SEMA5A: variants seen among roughly 807,000 people sequenced by gnomAD.
SEMA5A encodes the protein semaphorin-5A.
Under a neutral mutation model 135.5 loss-of-function variants are expected in SEMA5A, and 55 were observed. The observed-to-expected ratio is 0.41, with a 90% CI of 0.33 to 0.51. SEMA5A has a LOEUF of 0.51. Ranked by LOEUF, SEMA5A falls within the 20% of genes least tolerant of loss-of-function variation. The pLI is 0.37. For missense variants in SEMA5A, 1,290 were observed against 1,419.9 expected, an observed-to-expected ratio of 0.91 and a Z score of 1.47; for synonymous variants, 580 against 546.5, an observed-to-expected ratio of 1.06 and a Z score of -0.85.
chr5:9,356,303 AG>A (rs1754444113), intron 3 of SEMA5A, among the ~76,000 whole-genome samples: 1 of 152,168 alleles, frequency 6.6e-6, no homozygotes, highest in Non-Finnish European at 1.5e-5. Context: ...AGAAGAAGAA[AG>A]GGTTGGTGTG....
At chr5:9,181,833 G>T (rs764035006) in intron 11 of SEMA5A, among the ~76,000 whole-genome samples, 1 of 152,028 alleles carries the variant, frequency 6.6e-6, no homozygotes, top group Non-Finnish European at 1.5e-5. Flanking sequence ...AACCCCGCAT[G>T]GTACTCGATT....
At chr5:9,418,261 C>T (rs1757349708) in intron 2 of SEMA5A, among the ~76,000 whole-genome samples, 1 of 152,094 alleles carries the variant, frequency 6.6e-6, no homozygotes, top group Admixed American at 6.5e-5. Flanking sequence ...CAGGCATGAG[C>T]CACTGTGCCT....
chr5:9,464,912 T>C (rs1759198560), intron 1 of SEMA5A, among the ~76,000 whole-genome samples: 2 of 152,234 alleles, frequency 1.3e-5, no homozygotes, highest in Non-Finnish European at 2.9e-5. Flanking sequence ...GTCTGAGTTT[T>C]CTGTCCAGCA....
chr5:9,199,199 G>T (rs150512914), intron 9 of SEMA5A, among the ~76,000 whole-genome samples: 1 of 152,150 alleles, frequency 6.6e-6, no homozygotes, highest in African/African-American at 2.4e-5. Flanking sequence ...GCTGACCTGG[G>T]CTCTGGTGTC....
rs554420417 is a variant in SEMA5A at position 9,218,381 on chromosome 5, T to C, written c.646+6293A>G. On this transcript the variant is annotated intron_variant, in intron 8 of 22. Coordinates refer to ENST00000382496, the MANE Select transcript of SEMA5A (RefSeq NM_003966.3). ...TGGCTGTCTGCTGGCTGCCTGGAAG[T>C]TTGGGCAGAACAGTGCCCAGTATAT... Among the ~76,000 whole-genome samples the C allele has an allele frequency of 5.3e-5, 8 of 152,160 alleles. No homozygotes were observed. In the South Asian group the frequency reaches 1.7e-3, roughly 32 times the overall value.
chr5:9,467,613 G>A (rs926868726), intron 1 of SEMA5A, among the ~76,000 whole-genome samples: 1 of 152,172 alleles, frequency 6.6e-6, no homozygotes, highest in African/African-American at 2.4e-5. Context: ...GCACAGACTA[G>A]AGGACTGTAA....
At chr5:9,245,514 C>T (rs1748437130) in intron 5 of SEMA5A, among the ~76,000 whole-genome samples, 1 of 151,868 alleles carries the variant, frequency 6.6e-6, no homozygotes, top group South Asian at 2.1e-4. Flanking sequence ...TTTTGGTTGC[C>T]TGCTTTTGAA....
intron 5 of SEMA5A, among the ~76,000 whole-genome samples, chr5:9,255,325 G>A (rs996897240): frequency 2.0e-5 from 3 of 152,096 alleles, no homozygotes; most frequent in Admixed American, 6.5e-5. Flanking sequence ...TGTCATAGCT[G>A]GTCAACATGC....
intron 13 of SEMA5A, among the ~76,000 whole-genome samples, chr5:9,131,753 TC>T (rs1741447165): frequency 7.0e-6 from 1 of 143,050 alleles, no homozygotes; most frequent in Non-Finnish European, 1.5e-5. Flanking sequence ...CCTAAACACC[TC>T]CCACCAGGTC....
At position 9,083,581 on chromosome 5, in the gene SEMA5A, TCCA is replaced by T. The variant is rs1299417218; in HGVS notation, c.2074-16938_2074-16936del. ...AAATATCAGGTTTTCCATTCATTCA[TCCA>T]TTCATCCATCCATCCATCCATCCAT... On this transcript the variant is annotated intron_variant, in intron 16 of 22. Transcript: ENST00000382496. Among the ~76,000 whole-genome samples, 10 of 61,610 alleles carry T rather than the reference TCCA, an allele frequency of 1.6e-4. No homozygotes were observed. In the South Asian group the frequency reaches 1.8e-3, roughly 11 times the overall value. The allele number at this position is 61,610 out of a possible 152,430, so 40.4% of individuals were successfully genotyped here. A position where few individuals can be genotyped will look rare whatever the true frequency, so the allele number is the denominator to read the frequency against.
At chr5:9,139,598 T>C (rs542399925) in intron 12 of SEMA5A, among the ~76,000 whole-genome samples, 5 of 152,384 alleles carry the variant, frequency 3.3e-5, no homozygotes, top group Admixed American at 1.3e-4. Flanking sequence ...TGATTTGATC[T>C]CTTTCATGAG....
chr5:9,218,986 T>C (rs565965715), intron 8 of SEMA5A, among the ~76,000 whole-genome samples: 2 of 152,368 alleles, frequency 1.3e-5, no homozygotes, highest in African/African-American at 2.4e-5. Flanking sequence ...CAGACACTAA[T>C]ACTTATCATC....
intron 2 of SEMA5A, among the ~76,000 whole-genome samples, chr5:9,425,709 C>A (rs1356356809): frequency 6.6e-6 from 1 of 152,158 alleles, no homozygotes; most frequent in Admixed American, 6.5e-5. Context: ...TGAAATAAAA[C>A]CAAGATTCCA....
intron 3 of SEMA5A, among the ~76,000 whole-genome samples, chr5:9,372,171 C>T (rs563549620): frequency 2.6e-4 from 39 of 152,332 alleles, no homozygotes; most frequent in Middle Eastern, 3.4e-3. Context: ...CTCACAGGGA[C>T]TCGAGGAATC....
At chr5:9,321,114 A>T (rs1322393517) in intron 4 of SEMA5A, among the ~76,000 whole-genome samples, 1 of 152,070 alleles carries the variant, frequency 6.6e-6, no homozygotes, top group Non-Finnish European at 1.5e-5. Flanking sequence ...TGGTTTTATA[A>T]GCATCTGGCA....
At chr5:9,062,704 C>T (rs1737248354) in intron 18 of SEMA5A, among the ~76,000 whole-genome samples, 183 bp downstream of exon 18, 1 of 152,096 alleles carries the variant, frequency 6.6e-6, no homozygotes, top group East Asian at 1.9e-4. Context: ...CAAGTGATTC[C>T]CCCTCTCTGG....
intron 1 of SEMA5A, among the ~76,000 whole-genome samples, chr5:9,505,743 A>G (rs1735848216): frequency 6.6e-6 from 1 of 152,236 alleles, no homozygotes; most frequent in Non-Finnish European, 1.5e-5. Flanking sequence ...GGCCGAAGCT[A>G]AGTCAATGAT....
chr5:9,513,512 G>A (rs184418765), intron 1 of SEMA5A, among the ~76,000 whole-genome samples: 64 of 152,234 alleles, frequency 4.2e-4, no homozygotes, highest in African/African-American at 1.4e-3. Flanking sequence ...GAAGACAGAG[G>A]GAAAAGAGAG....
rs74523299 is a variant in SEMA5A, at chr5:9,502,357, T to C, written c.-175+43227A>G. On this transcript the variant is annotated intron_variant, in intron 1 of 22. Coordinates refer to ENST00000382496, the MANE Select transcript of SEMA5A (RefSeq NM_003966.3). ...ATATATTTAAGGAATTATCCACAGA[T>C]ATATATGAATATCAGAGGCACCATT... is the stretch of plus-strand genomic sequence containing the variant. Among the ~76,000 whole-genome samples the C allele has an allele frequency of 4.3e-3, 655 of 152,320 alleles. 3 individuals are homozygous for C. Among genetic ancestry groups the C allele is most frequent in the African/African-American group, 0.015 (627 of 41,568 alleles).
Sources: gnomAD v4.1 joint callset for allele counts (sites outside exome capture counted in the v4.1 genomes callset) on GRCh38, gnomAD v4.1.1 for gene constraint, MANE v1.5 for transcripts, NCBI Gene and HGNC (gene_info 2026-07-23, HGNC 2026-07-21) for gene names.